DMD: variants seen among roughly 807,000 people sequenced by gnomAD.
The protein encoded by DMD is dystrophin, also known as mutant dystrophin.
In DMD, 63 loss-of-function variants were observed where a neutral mutation model predicts 330.1. The observed-to-expected ratio is 0.19, with a 90% confidence interval of 0.16 to 0.24. DMD has a LOEUF of 0.24. Ranked by LOEUF, DMD falls within the 10% of genes least tolerant of loss-of-function variation. The pLI is 1.00. For missense variants in DMD, 3,344 were observed against 2,684.1 expected (o/e 1.25, Z -5.43); for synonymous variants, 1,223 against 959.8 (o/e 1.27, Z -5.07).
intron 11 of DMD, among the ~76,000 whole-genome samples, chrX:32,643,422 T>A (rs1427797157): frequency 1.8e-5 from 2 of 110,533 alleles, no homozygotes; most frequent in African/African-American, 6.6e-5. Context: ...ACTTAATGTA[T>A]TCAAATCCAC....
intron 55 of DMD, among the ~76,000 whole-genome samples, chrX:31,566,506 G>A (rs548738074): frequency 9.0e-6 from 1 of 111,697 alleles, no homozygotes; most frequent in Admixed American, 9.5e-5. Context: ...TTACTATATT[G>A]TTAGCCATAA....
chrX:32,515,203 C>T (rs370869847), intron 18 of DMD, among the ~76,000 whole-genome samples: 4 of 110,364 alleles, frequency 3.6e-5, no homozygotes, highest in Admixed American at 9.7e-5. Flanking sequence ...TTGAGCCTGC[C>T]GAGTGAGAGT....
chrX:32,315,257 A>G (rs1775514608), intron 41 of DMD, among the ~76,000 whole-genome samples: 1 of 111,598 alleles, frequency 9.0e-6, no homozygotes, highest in Non-Finnish European at 1.9e-5. Context: ...TGAAACTAGA[A>G]ACCGTCATTC....
At chrX:32,659,850 G>A (rs2060831196) in intron 9 of DMD, among the ~76,000 whole-genome samples, 1 of 110,351 alleles carries the variant, frequency 9.1e-6, no homozygotes, top group South Asian at 3.9e-4. Flanking sequence ...GAGATTCTTG[G>A]AATCTCTTCC....
intron 1 of DMD, among the ~76,000 whole-genome samples, chrX:33,200,589 G>A (rs148537219): frequency 0.027 from 2,973 of 111,105 alleles, 38 homozygotes; most frequent in Middle Eastern, 0.059. Context: ...AAATGGATCA[G>A]CATTGATTAA....
chrX:31,312,570 C>T (rs977975839), intron 62 of DMD, among the ~76,000 whole-genome samples: 3 of 112,295 alleles, frequency 2.7e-5, no homozygotes, highest in Non-Finnish European at 5.6e-5. Flanking sequence ...GGATCTAGAA[C>T]CAGAAATACC....
intron 51 of DMD, among the ~76,000 whole-genome samples, chrX:31,736,528 G>T (rs1032043935): frequency 8.1e-5 from 9 of 111,742 alleles, no homozygotes; most frequent in Non-Finnish European, 1.7e-4. Flanking sequence ...GGCTAGGATA[G>T]ACTTGGGAAA....
At chrX:31,317,701 C>T (rs1291548758) in intron 62 of DMD, among the ~76,000 whole-genome samples, 5 of 109,944 alleles carry the variant, frequency 4.5e-5, no homozygotes, top group Admixed American at 1.9e-4. Flanking sequence ...TTAGTAGAGA[C>T]GGGGTTTCAC....
At chrX:32,919,501 T>G (rs983864039) in intron 2 of DMD, among the ~76,000 whole-genome samples, 4 of 112,234 alleles carry the variant, frequency 3.6e-5, no homozygotes, top group Non-Finnish European at 7.5e-5. Flanking sequence ...ACCTTAAAGT[T>G]ACCTTTTAGC....
At chrX:32,296,602 G>A (rs1212825135) in intron 42 of DMD, among the ~76,000 whole-genome samples, 5 of 111,258 alleles carry the variant, frequency 4.5e-5, no homozygotes, top group Non-Finnish European at 9.4e-5. Context: ...TAAATAATAT[G>A]TCCACTGTGG....
chrX:32,201,847 G>A (rs1187624035), intron 44 of DMD, among the ~76,000 whole-genome samples: 5 of 111,390 alleles, frequency 4.5e-5, no homozygotes, highest in Non-Finnish European at 7.5e-5. Flanking sequence ...GATACAATTA[G>A]ACTTCCAAAT....
At chrX:31,642,776 A>T (rs1056365542) in intron 54 of DMD, among the ~76,000 whole-genome samples, 55 of 111,656 alleles carry the variant, frequency 4.9e-4, no homozygotes, top group African/African-American at 1.8e-3. Context: ...AGTGCTGGGG[A>T]AGAGGCCAGT....
At chrX:33,332,004 A>G (rs2054186384) in intron 1 of DMD, among the ~76,000 whole-genome samples, 2 of 111,777 alleles carry the variant, frequency 1.8e-5, no homozygotes, top group African/African-American at 6.5e-5. Context: ...GTCAAAATGT[A>G]TGGAGTTATA....
intron 1 of DMD, among the ~76,000 whole-genome samples, chrX:33,181,551 T>G (rs2148744017): frequency 8.9e-6 from 1 of 111,885 alleles, no homozygotes; most frequent in South Asian, 3.7e-4. Flanking sequence ...TTTCAAAGTC[T>G]AATTCTAACT....
intron 1 of DMD, among the ~76,000 whole-genome samples, chrX:33,057,163 G>A (rs2094527660): frequency 9.0e-6 from 1 of 111,461 alleles, no homozygotes; most frequent in Non-Finnish European, 1.9e-5. Context: ...TAGAACAAAT[G>A]CCAGATAATA....
chrX:33,262,617 T>A (rs2052976704), intron 1 of DMD, among the ~76,000 whole-genome samples: 1 of 111,140 alleles, frequency 9.0e-6, no homozygotes, highest in Non-Finnish European at 1.9e-5. Context: ...AATACTAATG[T>A]ACATACTAAT....
intron 41 of DMD, among the ~76,000 whole-genome samples, chrX:32,323,928 T>A (rs943441867): frequency 3.6e-5 from 4 of 111,513 alleles, no homozygotes; most frequent in Admixed American, 9.6e-5. Flanking sequence ...TATATCTTCA[T>A]AAGATCAAGC....
At chrX:32,885,029 G>T (rs2084382364) in intron 2 of DMD, among the ~76,000 whole-genome samples, 1 of 111,952 alleles carries the variant, frequency 8.9e-6, no homozygotes, top group Non-Finnish European at 1.9e-5. Context: ...CAAGGAATAT[G>T]CTCTTGCCAG....
intron 44 of DMD, among the ~76,000 whole-genome samples, chrX:32,157,680 G>T (rs1490725292): frequency 8.9e-6 from 1 of 111,852 alleles, no homozygotes; most frequent in Non-Finnish European, 1.9e-5. Context: ...AAAGCAAGGG[G>T]AACTTTTATT....
Sources: allele counts gnomAD v4.1 joint callset (sites outside exome capture counted in the v4.1 genomes callset), GRCh38; gene constraint gnomAD v4.1.1; transcripts MANE v1.5; gene names NCBI Gene and HGNC (gene_info 2026-07-23, HGNC 2026-07-21).